RASGRF2: variants seen among roughly 807,000 people sequenced by gnomAD.
The protein encoded by RASGRF2 is Ras protein specific guanine nucleotide releasing factor 2, also known as ras-specific guanine nucleotide-releasing factor 2.
A neutral mutation model predicts 151.0 loss-of-function variants in RASGRF2; 76 were observed. The observed-to-expected ratio is 0.50, with a 90% CI of 0.42 to 0.61. The LOEUF (loss-of-function observed/expected upper bound fraction) is 0.61. Ranked by LOEUF, RASGRF2 falls within the 20% of genes least tolerant of loss-of-function variation. The probability of loss-of-function intolerance (pLI) is 0.00; values close to 1 mark genes in which losing one functional copy is unlikely to be tolerated. For missense variants in RASGRF2, 1,148 were observed against 1,564.6 expected (o/e 0.73, Z 4.49); for synonymous variants, 504 against 566.5 (o/e 0.89, Z 1.57).
rs1755523206 is a variant in RASGRF2, at chr5:81,207,017, T to G, written c.2967+112T>G. 6 of 973,218 alleles carry G rather than the reference T, an allele frequency of 6.2e-6. No homozygotes were observed. In the Admixed American group the frequency reaches 9.4e-5, roughly 15 times the overall value. 60.3% of individuals were successfully genotyped at this position (973,218 alleles called of 1,614,324 possible). On this transcript the variant is annotated intron_variant, in intron 20 of 26. Transcript: ENST00000265080. ...TGTTGTAGTATTAGGCCCTCTGTCC[T>G]ATCTGTGAAGCTCTGTGAGATGAAC...
At chr5:81,074,134 T>G (rs1467954945) in intron 5 of RASGRF2, among the ~76,000 whole-genome samples, 2 of 152,184 alleles carry the variant, frequency 1.3e-5, no homozygotes, top group Non-Finnish European at 2.9e-5. Context: ...CCTGAGAAGC[T>G]CTGGTGAATT....
At chr5:81,063,976 C>T (rs1048429712) in intron 2 of RASGRF2, among the ~76,000 whole-genome samples, 1 of 152,072 alleles carries the variant, frequency 6.6e-6, no homozygotes, top group African/African-American at 2.4e-5. Flanking sequence ...TGTTTGTTAT[C>T]TCTTGCTGCT....
intron 17 of RASGRF2, among the ~76,000 whole-genome samples, chr5:81,142,658 T>A (rs879801574): frequency 2.6e-5 from 4 of 152,244 alleles, no homozygotes; most frequent in Non-Finnish European, 4.4e-5. Flanking sequence ...CTGCTCCTAT[T>A]TCATGGAGAT....
At chr5:81,056,091 T>C (rs1214823233) in intron 2 of RASGRF2, among the ~76,000 whole-genome samples, 1 of 152,152 alleles carries the variant, frequency 6.6e-6, no homozygotes, top group Non-Finnish European at 1.5e-5. Context: ...CCTGGATTCA[T>C]TGATTTTTTG....
intron 18 of RASGRF2, among the ~76,000 whole-genome samples, chr5:81,189,515 G>A (rs1228563772): frequency 6.6e-6 from 1 of 150,986 alleles, no homozygotes; most frequent in South Asian, 2.1e-4. Context: ...TTAAGAGATG[G>A]GGTCTTGTTC....
At chr5:81,039,028 G>A (rs1750598651) in intron 1 of RASGRF2, among the ~76,000 whole-genome samples, 1 of 151,574 alleles carries the variant, frequency 6.6e-6, no homozygotes, top group South Asian at 2.1e-4. Flanking sequence ...TTTATGATTT[G>A]GGCTTTGTGT....
At chr5:81,016,913 A>G (rs1340252090) in intron 1 of RASGRF2, among the ~76,000 whole-genome samples, 1 of 152,222 alleles carries the variant, frequency 6.6e-6, no homozygotes, top group Non-Finnish European at 1.5e-5. Context: ...ACTGTTTTCA[A>G]TATGACTATT....
intron 17 of RASGRF2, among the ~76,000 whole-genome samples, chr5:81,166,964 A>C (rs998137594): frequency 1.2e-4 from 18 of 152,200 alleles, no homozygotes; most frequent in Admixed American, 6.5e-4. Flanking sequence ...AGAGCTTTTG[A>C]AAGAAGGGAA....
intron 1 of RASGRF2, among the ~76,000 whole-genome samples, chr5:81,037,434 T>C (rs1291075496): frequency 6.6e-6 from 1 of 152,220 alleles, no homozygotes; most frequent in East Asian, 1.9e-4. Context: ...ACATCCTTTT[T>C]ATGTGGCTTC....
At chr5:81,151,134 A>T (rs1409231802) in intron 17 of RASGRF2, among the ~76,000 whole-genome samples, 2 of 152,230 alleles carry the variant, frequency 1.3e-5, no homozygotes, top group African/African-American at 4.8e-5. Context: ...TTAGCTAAGT[A>T]TTAGGTGTCA....
intron 12 of RASGRF2, among the ~76,000 whole-genome samples, chr5:81,108,147 A>G (rs1175170590): frequency 6.6e-6 from 1 of 152,268 alleles, no homozygotes; most frequent in African/African-American, 2.4e-5. Context: ...AAAACACTAT[A>G]TAGTATCATA....
chr5:81,164,376 G>T (rs1355563363), intron 17 of RASGRF2, among the ~76,000 whole-genome samples: 2 of 151,186 alleles, frequency 1.3e-5, no homozygotes, highest in Non-Finnish European at 2.9e-5. Context: ...TTTACTTTTG[G>T]AAAGTTGTTT....
At chr5:81,201,513 C>T (rs1580402105) in intron 19 of RASGRF2, 71 bp downstream of exon 19, 2 of 1,483,226 alleles carry the variant, frequency 1.3e-6, no homozygotes, top group Non-Finnish European at 1.8e-6. Flanking sequence ...AAATAAGAGC[C>T]AATAAATCTT....
intron 17 of RASGRF2, among the ~76,000 whole-genome samples, chr5:81,151,469 T>TA (rs1443119830): frequency 6.6e-6 from 1 of 151,660 alleles, no homozygotes; most frequent in Non-Finnish European, 1.5e-5. Flanking sequence ...GTCTAGGACT[T>TA]ATTTATGGCT....
chr5:81,164,345 A>G (rs1754456565), intron 17 of RASGRF2, among the ~76,000 whole-genome samples: 1 of 152,042 alleles, frequency 6.6e-6, no homozygotes, highest in Admixed American at 6.6e-5. Flanking sequence ...TTTCCATAGG[A>G]CCTCAAGTCC....
intron 1 of RASGRF2, among the ~76,000 whole-genome samples, chr5:80,971,155 A>G (rs1184043666): frequency 2.6e-5 from 4 of 152,226 alleles, no homozygotes; most frequent in Non-Finnish European, 5.9e-5. Flanking sequence ...TCACAAAGTG[A>G]ATATTTTTGT....
At chr5:81,169,676 G>GACAA (rs1263127361) in intron 17 of RASGRF2, among the ~76,000 whole-genome samples, 3 of 152,168 alleles carry the variant, frequency 2.0e-5, no homozygotes, top group Non-Finnish European at 2.9e-5. Context: ...CATGGATGTG[G>GACAA]ATTTGGGGAG....
At chr5:81,043,933 G>T (rs1161300062) in intron 2 of RASGRF2, among the ~76,000 whole-genome samples, 2 of 152,180 alleles carry the variant, frequency 1.3e-5, no homozygotes, top group Admixed American at 1.3e-4. Flanking sequence ...TGTACTGCAC[G>T]TGGGCGATTT....
At position 81,010,455 on chromosome 5, in the gene RASGRF2, G is replaced by A. The variant is rs72769246; in HGVS notation, c.289-32422G>A. On this transcript the variant is annotated intron_variant, in intron 1 of 26. Transcript: ENST00000265080. ...GAATTATTTGTTATGTATGAGAAGA[G>A]TGTGGTGTGAGCTCAATGAAAAACG... is the stretch of plus-strand genomic sequence containing the variant. Among the ~76,000 whole-genome samples the A allele has an allele frequency of 5.5e-3, 835 of 152,320 alleles. 5 individuals carry two copies. Among genetic ancestry groups the A allele is most frequent in the Middle Eastern group, 0.01 (3 of 294 alleles).
Sources: allele counts gnomAD v4.1 joint callset (sites outside exome capture counted in the v4.1 genomes callset), GRCh38; gene constraint gnomAD v4.1.1; transcripts MANE v1.5; gene names NCBI Gene and HGNC (gene_info 2026-07-23, HGNC 2026-07-21).